The following TRA2B variants were observed in gnomAD, a reference collection of about 807,000 sequenced individuals.
TRA2B encodes transformer-2 protein homolog beta.
A neutral mutation model predicts 41.7 loss-of-function variants in TRA2B; 14 were observed. The observed-to-expected ratio is 0.34, with a 90% confidence interval of 0.22 to 0.53. The LOEUF is 0.53. Ranked by LOEUF, TRA2B falls within the 20% of genes least tolerant of loss-of-function variation. The pLI is 0.95. For missense variants in TRA2B, 167 were observed against 396.8 expected (o/e 0.42, Z 4.92); for synonymous variants, 130 against 128.8 (o/e 1.01, Z -0.06).
In TRA2B at chr3:185,936,710, A is replaced by ACAG. The variant is rs773882257; in HGVS notation, c.36+1112_36+1114dup. On this transcript the variant is annotated intron_variant, in intron 1 of 8. Transcript: ENST00000453386. ...TTTTAAAAAAGCACAAATTATTCCCACAGCCTCAAAAATCAATTTCTATGG... is the reference window on the plus strand; with the variant it reads ...TTTTAAAAAAGCACAAATTATTCCCACAGCAGCCTCAAAAATCAATTTCTATGG... 8.4e-6 allele frequency: 8 copies of ACAG among 947,970 alleles called. No individual in the cohort carries two copies. The African/African-American group carries it at 1.4e-4, about 16-fold the overall frequency. 58.7% of individuals were successfully genotyped at this position (947,970 alleles called of 1,614,324 possible).
chr3:185,925,699 T>TA (rs1743920740), intron 2 of TRA2B, 73 bp from the exon 3 acceptor site: 5 of 1,452,796 alleles, frequency 3.4e-6, no homozygotes, highest in South Asian at 3.0e-5. Context: ...GTTCTAAAGT[T>TA]AAACTCCAAA....
chr3:185,937,684 T>C lies in TRA2B; in HGVS notation c.36+141A>G, dbSNP rs144200211. 9.4e-4 allele frequency: 1,156 copies of C among 1,223,996 alleles called. 6 individuals are homozygous for C. The African/African-American group carries it at 0.016, about 17-fold the overall frequency. The allele number at this position is 1,223,996 out of a possible 1,614,324, so 75.8% of individuals were successfully genotyped here. ...TCCACAAAGGCTTTTTTTGGTTAAA[T>C]GCTGTCTCCCTTGCCTGCCCTCCCG... On this transcript the variant is annotated intron_variant, in intron 1 of 8. Transcript: ENST00000453386.
chr3:185,935,132 GTAAT>G (rs1482575479), intron 1 of TRA2B: 1 of 985,294 alleles, frequency 1.0e-6, no homozygotes, highest in African/African-American at 1.7e-5. Context: ...TCAACTTCTT[GTAAT>G]TGTGACTTAA....
In TRA2B at chr3:185,925,526, G is replaced by A. The variant is rs1283393776; in HGVS notation, c.271C>T (p.Arg91Cys). The change falls in exon 3 of 9, where the codon CGT (arginine) becomes TGT (cysteine). Residue 91 changes from arginine to cysteine, a missense_variant. Coordinates refer to ENST00000453386, the MANE Select transcript of TRA2B (RefSeq NM_004593.3). ...SRSRSYSRDYRRRHSHSHSPM... is the reference protein window; with the variant it reads ...SRSRSYSRDYCRRHSHSHSPM... ...GAATGGCTGTGGCTGTGCCGTCTACGATAATCTCGACTGTAAGACCTGCTA... is the reference window on the plus strand; with the variant it reads ...GAATGGCTGTGGCTGTGCCGTCTACAATAATCTCGACTGTAAGACCTGCTA... The A allele has an allele frequency of 3.1e-6, 5 of 1,614,158 alleles. No homozygotes were observed. In the South Asian group the frequency reaches 4.4e-5, roughly 14 times the overall value.
intron 1 of TRA2B, chr3:185,928,595 T>C (rs1744040144): frequency 6.6e-6 from 1 of 152,178 alleles, no homozygotes; most frequent in African/African-American, 2.4e-5. Flanking sequence ...TAGTTTTTGC[T>C]ATTTTTACCA....
At chr3:185,918,696 G>A (rs1413048893) in intron 7 of TRA2B, among the ~76,000 whole-genome samples, 1 of 152,110 alleles carries the variant, frequency 6.6e-6, no homozygotes, top group African/African-American at 2.4e-5. Flanking sequence ...TGTGAACTAT[G>A]TTAAGAGAGT....
chr3:185,917,897 A>G (rs16860328), intron 8 of TRA2B, among the ~76,000 whole-genome samples, 172 bp from the exon 9 acceptor site: 53,375 of 152,090 alleles, frequency 0.35, 9,771 homozygotes, highest in Non-Finnish European at 0.42. Context: ...GAAATGAGAT[A>G]GCAATCTTAA....
intron 4 of TRA2B, 117 bp downstream of exon 4, chr3:185,923,679 G>T: frequency 1.0e-6 from 1 of 958,398 alleles, no homozygotes; most frequent in South Asian, 2.3e-5. Flanking sequence ...CAAGAGGTTG[G>T]AGAAAAAGTT....
At chr3:185,931,948 A>T in intron 1 of TRA2B, 37 of 791,142 alleles carry the variant, frequency 4.7e-5, no homozygotes, top group Non-Finnish European at 5.6e-5. Flanking sequence ...CCCTTTGTTG[A>T]TTTGGATTAA....
intron 8 of TRA2B, 70 bp downstream of exon 8, chr3:185,918,295 A>T (rs1743580705): frequency 2.7e-6 from 3 of 1,107,526 alleles, no homozygotes; most frequent in Non-Finnish European, 2.7e-6. Context: ...ATTATCTGAT[A>T]AAGGGAATAC....
chr3:185,934,584 C>T (rs1375145576), intron 1 of TRA2B: 25 of 985,218 alleles, frequency 2.5e-5, no homozygotes, highest in Non-Finnish European at 3.0e-5. Context: ...CAATACAAAA[C>T]AATTTCCTCC....
At position 185,917,004 on chromosome 3, in the gene TRA2B, C is replaced by T. The variant is rs1489416329; in HGVS notation, c.*711G>A. 6.6e-6 allele frequency: 1 copy of T among 152,532 alleles called. No homozygotes were observed. The highest frequency in any genetic ancestry group is 1.5e-5 in the Non-Finnish European group (1 of 68,014). The allele number at this position is 152,532 out of a possible 1,614,324, so 9.4% of individuals were successfully genotyped here. A position where few individuals can be genotyped will look rare whatever the true frequency, so the allele number is the denominator to read the frequency against. ...CACTTGCTGATAACTAGTTGAAATA[C>T]CATTATCCCCTTGTAACACCTTTAA... On this transcript the variant is annotated 3_prime_UTR_variant, in exon 9 of 9. Coordinates refer to ENST00000453386, the MANE Select transcript of TRA2B (RefSeq NM_004593.3).
chr3:185,928,262 T>G (rs920282987), intron 1 of TRA2B: 1 of 152,146 alleles, frequency 6.6e-6, no homozygotes, highest in Non-Finnish European at 1.5e-5. Flanking sequence ...AAAGGCTAAC[T>G]CATCCAGTAA....
intron 1 of TRA2B, among the ~76,000 whole-genome samples, chr3:185,933,810 T>A (rs531805440): frequency 1.3e-5 from 2 of 152,236 alleles, no homozygotes; most frequent in Non-Finnish European, 2.9e-5. Flanking sequence ...GACTGTTAAA[T>A]TTACATTCAT....
chr3:185,926,958 G>C (rs981341301), intron 1 of TRA2B: 14 of 482,296 alleles, frequency 2.9e-5, no homozygotes, highest in African/African-American at 2.4e-4. Flanking sequence ...GCAGGGATAA[G>C]AGTTATTTGA....
At chr3:185,931,926 G>GAA in intron 1 of TRA2B, 3 of 713,088 alleles carry the variant, frequency 4.2e-6, no homozygotes, top group Non-Finnish European at 5.3e-6. Context: ...ACTGAAACTA[G>GAA]AAAAAAAAAA....
At position 185,937,056 on chromosome 3, in the gene TRA2B, T is replaced by C. The variant is rs114971448; in HGVS notation, c.36+769A>G. 5,768 of 985,452 alleles carry C rather than the reference T, an allele frequency of 5.9e-3. 224 individuals carry two copies. In the African/African-American group the frequency reaches 0.092, roughly 16 times the overall value. The allele number at this position is 985,452 out of a possible 1,614,324, so 61.0% of individuals were successfully genotyped here. A position where few individuals can be genotyped will look rare whatever the true frequency, so the allele number is the denominator to read the frequency against. On this transcript the variant is annotated intron_variant, in intron 1 of 8. Coordinates refer to ENST00000453386, the MANE Select transcript of TRA2B (RefSeq NM_004593.3). ...CCTTCACAATCCCGTGGAAATGCGA[T>C]GTCCACAAAATCATCTTAACGACTT...
chr3:185,925,387 T>C, intron 3 of TRA2B, 77 bp downstream of exon 3: 1 of 1,531,560 alleles, frequency 6.5e-7, no homozygotes, highest in Non-Finnish European at 8.8e-7. Context: ...TAAAGCTCTA[T>C]TGTCAAAATC....
At chr3:185,934,430 T>A in intron 1 of TRA2B, 1 of 985,414 alleles carries the variant, frequency 1.0e-6, no homozygotes, top group South Asian at 4.7e-5. Flanking sequence ...AGTACTTACC[T>A]TATAAAATCA....
Sources: allele counts gnomAD v4.1 joint callset (sites outside exome capture counted in the v4.1 genomes callset), GRCh38; gene constraint gnomAD v4.1.1; transcripts MANE v1.5; gene names NCBI Gene and HGNC (gene_info 2026-07-23, HGNC 2026-07-21).